Variants in DCUN1D4 observed in about 807,000 individuals in gnomAD.
DCUN1D4 encodes DCN1-like protein 4.
In DCUN1D4, 22 loss-of-function variants were observed where a neutral mutation model predicts 47.9. The ratio of observed to expected loss-of-function variants is 0.46; its 90% CI spans 0.33 to 0.66. The LOEUF (loss-of-function observed/expected upper bound fraction) is 0.66. DCUN1D4 is among the 30% of genes least tolerant of loss of function. The pLI, the probability that DCUN1D4 is intolerant of heterozygous loss-of-function variation, is 0.02. For synonymous variants in DCUN1D4, 121 were observed against 112.2 expected, an observed-to-expected ratio of 1.08 and a Z score of -0.50; for missense variants, 301 against 340.8, an observed-to-expected ratio of 0.88 and a Z score of 0.92.
intron 1 of DCUN1D4, among the ~76,000 whole-genome samples, chr4:51,851,196 C>G (rs1461049318): frequency 1.3e-5 from 2 of 152,130 alleles, no homozygotes; most frequent in African/African-American, 4.8e-5. Flanking sequence ...GTGCTGCTGT[C>G]ACAGGCAGGA....
chr4:51,843,947 C>T (rs1722053067), intron 1 of DCUN1D4, among the ~76,000 whole-genome samples: 2 of 95,336 alleles, frequency 2.1e-5, no homozygotes, highest in African/African-American at 1.2e-4. Context: ...TTGGGGAGTC[C>T]TGCGGGGCGG....
intron 1 of DCUN1D4, among the ~76,000 whole-genome samples, chr4:51,854,178 T>C (rs934782316): frequency 6.4e-4 from 98 of 152,352 alleles, no homozygotes; most frequent in African/African-American, 2.2e-3. Context: ...CAAATGAAAC[T>C]GAGACCTGTG....
At chr4:51,848,744 T>G (rs1722930927) in intron 1 of DCUN1D4, among the ~76,000 whole-genome samples, 2 of 152,240 alleles carry the variant, frequency 1.3e-5, no homozygotes, top group Admixed American at 6.5e-5. Context: ...TGTGACAGTT[T>G]TAGATGTAGC....
chr4:51,901,810 A>G (rs1197300824), intron 8 of DCUN1D4, among the ~76,000 whole-genome samples: 1 of 152,220 alleles, frequency 6.6e-6, no homozygotes. Context: ...GTCTCAATTA[A>G]TATTGGTGAA....
chr4:51,889,404 G>C (rs1280358899), intron 6 of DCUN1D4, among the ~76,000 whole-genome samples: 1 of 152,150 alleles, frequency 6.6e-6, no homozygotes, highest in Non-Finnish European at 1.5e-5. Flanking sequence ...AATTAAGCAG[G>C]CTTGTAAAAT....
chr4:51,886,665 A>C (rs143675223), intron 6 of DCUN1D4, 27 bp downstream of exon 6: 2 of 1,585,174 alleles, frequency 1.3e-6, no homozygotes, highest in African/African-American at 2.7e-5. Context: ...GAGTTGGGTG[A>C]ATCAGTTGGT....
At chr4:51,836,359 C>T in the DCUN1D4 span, among the ~76,000 whole-genome samples, 18 of 152,054 alleles carry the variant, frequency 1.2e-4, no homozygotes, top group East Asian at 1.9e-4. Flanking sequence ...TGTAAGCATT[C>T]GGGTTAGTTG....
upstream of DCUN1D4, among the ~76,000 whole-genome samples, chr4:51,842,727 G>A (rs907206158): frequency 3.3e-5 from 5 of 152,138 alleles, no homozygotes; most frequent in African/African-American, 1.2e-4. Flanking sequence ...GCCCCCAACT[G>A]CGCTGCGCTG....
chr4:51,890,311 T>C (rs1730221480), intron 6 of DCUN1D4, among the ~76,000 whole-genome samples: 1 of 152,216 alleles, frequency 6.6e-6, no homozygotes, highest in African/African-American at 2.4e-5. Flanking sequence ...ATAGCCGCCA[T>C]CTGACCCAGT....
At chr4:51,835,122 G>A in the DCUN1D4 span, among the ~76,000 whole-genome samples, 1 of 152,186 alleles carries the variant, frequency 6.6e-6, no homozygotes, top group Admixed American at 6.5e-5. Flanking sequence ...CTGTGTTGGG[G>A]ATGCAGGTAG....
chr4:51,907,403 C>G (rs1733056743), intron 8 of DCUN1D4, among the ~76,000 whole-genome samples: 1 of 152,112 alleles, frequency 6.6e-6, no homozygotes, highest in African/African-American at 2.4e-5. Flanking sequence ...TTTTACAGCC[C>G]TCTATTTTTA....
At chr4:51,868,254 C>T (rs964194291) in intron 3 of DCUN1D4, among the ~76,000 whole-genome samples, 6 of 152,154 alleles carry the variant, frequency 3.9e-5, no homozygotes, top group Admixed American at 2.0e-4. Flanking sequence ...CCTGGAAGGG[C>T]GAGACTCCTG....
intron 8 of DCUN1D4, chr4:51,908,891 A>T: frequency 2.2e-6 from 1 of 456,204 alleles, no homozygotes; most frequent in Non-Finnish European, 4.4e-6. Flanking sequence ...TTGTGAGTGC[A>T]TCCATAATAT....
rs1245364246 is a variant in DCUN1D4 at position 51,916,273 on chromosome 4, C to A, written c.*2689C>A. On this transcript the variant is annotated 3_prime_UTR_variant, in exon 11 of 11. Transcript: ENST00000334635. Reference sequence around the variant, plus strand: ...GTATTATTTGATTTGCCTCAAACATCCACTGTAATGTTACATGCACCTTTT... The same window carrying A: ...GTATTATTTGATTTGCCTCAAACATACACTGTAATGTTACATGCACCTTTT... 1 of 152,188 alleles carries A rather than the reference C, an allele frequency of 6.6e-6. No individual in the cohort carries two copies. The highest frequency in any genetic ancestry group is 1.5e-5 in the Non-Finnish European group (1 of 68,000). The allele number at this position is 152,188 out of a possible 1,614,324, so 9.4% of individuals were successfully genotyped here.
intron 1 of DCUN1D4, 30 bp downstream of exon 1, chr4:51,843,297 G>A (rs1721883892): frequency 3.3e-6 from 5 of 1,509,728 alleles, no homozygotes; most frequent in Middle Eastern, 1.9e-4. Context: ...CCAGCGGGCC[G>A]GGGCCGGGCG....
At chr4:51,889,190 G>T (rs905693871) in intron 6 of DCUN1D4, among the ~76,000 whole-genome samples, 1 of 152,174 alleles carries the variant, frequency 6.6e-6, no homozygotes, top group East Asian at 1.9e-4. Flanking sequence ...AATAGAAGTT[G>T]TATTATTTTA....
At chr4:51,845,881 TTATATC>T (rs1722466700) in intron 1 of DCUN1D4, among the ~76,000 whole-genome samples, 1 of 152,188 alleles carries the variant, frequency 6.6e-6, no homozygotes, top group African/African-American at 2.4e-5. Flanking sequence ...TGGAGATCAT[TTATATC>T]TATCTGTCAT....
At chr4:51,892,800 A>C (rs912290082) in intron 7 of DCUN1D4, among the ~76,000 whole-genome samples, 2 of 152,238 alleles carry the variant, frequency 1.3e-5, no homozygotes, top group East Asian at 1.9e-4. Flanking sequence ...TTGACGATGA[A>C]GTGCTAATTC....
intron 1 of DCUN1D4, chr4:51,843,563 C>T (rs550742557): frequency 5.8e-6 from 7 of 1,209,164 alleles, no homozygotes; most frequent in Admixed American, 5.2e-5. Context: ...GATGAAGGGC[C>T]GAGATCGGAG....
Sources: allele counts gnomAD v4.1 joint callset (sites outside exome capture counted in the v4.1 genomes callset), GRCh38; gene constraint gnomAD v4.1.1; transcripts MANE v1.5; gene names NCBI Gene and HGNC (gene_info 2026-07-23, HGNC 2026-07-21).